POU3F3: variants seen among roughly 807,000 people sequenced by gnomAD.
The protein encoded by POU3F3 is POU domain, class 3, transcription factor 3.
In POU3F3, 1 loss-of-function variant was observed where a neutral mutation model predicts 8.6. That is an observed-to-expected ratio of 0.12 (90% CI 0.04 to 0.55). POU3F3 has a LOEUF of 0.55. Among genes scored for constraint, POU3F3 ranks in the 20% least tolerant of loss-of-function variants. The pLI is 0.91. For synonymous variants in POU3F3, 418 were observed against 327.4 expected (o/e 1.28, Z -2.99); for missense variants, 577 against 690.7 (o/e 0.84, Z 1.84).
chr2:104,858,226 T>G lies in POU3F3; in HGVS notation c.*1213T>G, dbSNP rs1676614411. 6.6e-6 allele frequency: 1 copy of G among 152,212 alleles called. No homozygotes were observed. The highest frequency in any genetic ancestry group is 2.4e-5 in the African/African-American group (1 of 41,452). The allele number at this position is 152,212 out of a possible 1,614,324, so 9.4% of individuals were successfully genotyped here. A position where few individuals can be genotyped will look rare whatever the true frequency, so the allele number is the denominator to read the frequency against. On this transcript the variant is annotated 3_prime_UTR_variant, in exon 1 of 1. Transcript: ENST00000361360. ...GATGTGATTATATAATACTGCCATT[T>G]CCAAGCAGTGTTTTTGGTAGGTTTT... is the stretch of plus-strand genomic sequence containing the variant.
At position 104,854,771 on chromosome 2, in the gene POU3F3, C is replaced by G. The variant is rs1676512985; in HGVS notation, c.-740C>G. Among the ~76,000 whole-genome samples, 1 of 152,132 alleles carries G rather than the reference C, an allele frequency of 6.6e-6. No individual in the cohort carries two copies. Among genetic ancestry groups the G allele is most frequent in the Non-Finnish European group, 1.5e-5 (1 of 68,030 alleles). On this transcript the variant is annotated 5_prime_UTR_variant, in exon 1 of 1. Coordinates refer to ENST00000361360, the MANE Select transcript of POU3F3 (RefSeq NM_006236.3). This position sits in a 1 kb window ranked among gnomAD's most constrained non-coding sequence, Gnocchi z 4.5. Reference sequence around the variant, plus strand: ...TCCCCTCTCCGCACTCGCGAGCAGCCAGCAGCACCACGCCTTCAAGGACGA... The same window carrying G: ...TCCCCTCTCCGCACTCGCGAGCAGCGAGCAGCACCACGCCTTCAAGGACGA...
In POU3F3 at chr2:104,855,280, T is replaced by A. The variant is rs894154374; in HGVS notation, c.-231T>A. Among the ~76,000 whole-genome samples, 1 of 148,430 alleles carries A rather than the reference T, an allele frequency of 6.7e-6. No homozygotes were observed. The highest frequency in any genetic ancestry group is 2.4e-5 in the African/African-American group (1 of 40,906). On this transcript the variant is annotated 5_prime_UTR_variant, in exon 1 of 1. Coordinates refer to ENST00000361360, the MANE Select transcript of POU3F3 (RefSeq NM_006236.3). ...GCGCCCTGCCGAGCGGCCTTGCAGC[T>A]GCAGCCGGGGGCCGCGGCGGCGGCG...
chr2:104,911,971 C>G, the POU3F3 span, among the ~76,000 whole-genome samples: 1 of 152,106 alleles, frequency 6.6e-6, no homozygotes, highest in South Asian at 2.1e-4. Context: ...AGTCTTTATC[C>G]TGAAGTCAAG....
the POU3F3 span, among the ~76,000 whole-genome samples, chr2:104,894,641 G>A: frequency 8.6e-3 from 1 of 116 alleles, no homozygotes; most frequent in Admixed American, 0.071. Flanking sequence ...TGGCCAGGCT[G>A]TGCTTTCAGG....
the POU3F3 span, among the ~76,000 whole-genome samples, chr2:104,889,479 G>C: frequency 2.0e-5 from 3 of 152,150 alleles, no homozygotes; most frequent in Non-Finnish European, 4.4e-5. Flanking sequence ...TCGGTTGCAG[G>C]TTCTGCCACG....
At chr2:104,867,332 A>G in the POU3F3 span, 1 of 152,266 alleles carries the variant, frequency 6.6e-6, no homozygotes, top group Non-Finnish European at 1.5e-5. This position sits in a 1 kb window ranked among gnomAD's most constrained non-coding sequence, Gnocchi z 5.0. Context: ...GCCCGGAGGG[A>G]ACCGAGGGGC....
At chr2:104,876,117 C>T in the POU3F3 span, among the ~76,000 whole-genome samples, 1 of 152,110 alleles carries the variant, frequency 6.6e-6, no homozygotes, top group Admixed American at 6.5e-5. Flanking sequence ...TATGTTTAAG[C>T]CCCTGGTTCT....
At chr2:104,905,054 G>A in the POU3F3 span, among the ~76,000 whole-genome samples, 2 of 152,094 alleles carry the variant, frequency 1.3e-5, no homozygotes, top group African/African-American at 2.4e-5. Flanking sequence ...CCATCGCAGC[G>A]ACAAGGTCCA....
chr2:104,889,217 C>T, the POU3F3 span, among the ~76,000 whole-genome samples: 1 of 152,196 alleles, frequency 6.6e-6, no homozygotes, highest in African/African-American at 2.4e-5. Context: ...GAGCCGGGTC[C>T]TTGACACATG....
chr2:104,863,834 G>A, the POU3F3 span, among the ~76,000 whole-genome samples: 1 of 152,342 alleles, frequency 6.6e-6, no homozygotes, highest in South Asian at 2.1e-4. Context: ...AAGTCAGAGC[G>A]GAACAGCCTA....
chr2:104,923,809 AT>A, the POU3F3 span, among the ~76,000 whole-genome samples: 16 of 152,202 alleles, frequency 1.1e-4, no homozygotes, highest in Admixed American at 9.8e-4. Context: ...CAGGGACCAA[AT>A]AGGTTGAAAG....
chr2:104,861,120 C>G (rs1038745485), downstream of POU3F3, among the ~76,000 whole-genome samples: 2 of 152,084 alleles, frequency 1.3e-5, no homozygotes, highest in Admixed American at 1.3e-4. Context: ...TCAACCTCTT[C>G]AAGCTAAATC....
chr2:104,911,007 C>G, the POU3F3 span, among the ~76,000 whole-genome samples: 1 of 152,024 alleles, frequency 6.6e-6, no homozygotes, highest in African/African-American at 2.4e-5. Flanking sequence ...GTAAGTAGGT[C>G]ATATACATAT....
the POU3F3 span, chr2:104,872,618 C>A: frequency 3.8e-5 from 10 of 263,762 alleles, no homozygotes; most frequent in Non-Finnish European, 6.6e-5. The surrounding 1 kb of genome is among the most constrained non-coding windows in gnomAD (Gnocchi z 4.6). Flanking sequence ...TCTCGGCGCG[C>A]GCGGAAACCC....
the POU3F3 span, among the ~76,000 whole-genome samples, chr2:104,904,379 A>G: frequency 1.3e-5 from 2 of 152,300 alleles, no homozygotes; most frequent in African/African-American, 4.8e-5. Flanking sequence ...TACATAAAGT[A>G]GGAGTGAAAT....
chr2:104,903,328 C>T, the POU3F3 span, among the ~76,000 whole-genome samples: 2 of 152,114 alleles, frequency 1.3e-5, no homozygotes, highest in Non-Finnish European at 2.9e-5. Context: ...CACTGCATAC[C>T]AATTGGTACA....
the POU3F3 span, among the ~76,000 whole-genome samples, chr2:104,864,356 G>C: frequency 2.0e-5 from 3 of 152,128 alleles, no homozygotes; most frequent in African/African-American, 7.2e-5. Flanking sequence ...CCTTCCCCCC[G>C]CACTTTGGCA....
rs1676579607 is a variant in POU3F3, at chr2:104,857,052, GCCT to G, written c.*42_*44del. On this transcript the variant is annotated 3_prime_UTR_variant, in exon 1 of 1. Transcript: ENST00000361360. ...AGCGAAGAGGGCCGCCGCCGCCGCC[GCCT>G]CCGCAGCCGCCGTCAGCACCGCCGC... 1 of 1,380,312 alleles carries G rather than the reference GCCT, an allele frequency of 7.2e-7. No individual in the cohort carries two copies. The highest frequency in any genetic ancestry group is 9.4e-7 in the Non-Finnish European group (1 of 1,059,014). The allele number at this position is 1,380,312 out of a possible 1,614,324, so 85.5% of individuals were successfully genotyped here. A position where few individuals can be genotyped will look rare whatever the true frequency, so the allele number is the denominator to read the frequency against.
chr2:104,916,003 G>C, the POU3F3 span, among the ~76,000 whole-genome samples: 7 of 145,730 alleles, frequency 4.8e-5, no homozygotes, highest in East Asian at 1.5e-3. Flanking sequence ...TGCACCTCCA[G>C]CAAGGGTGGC....
Sources: allele counts gnomAD v4.1 joint callset (sites outside exome capture counted in the v4.1 genomes callset), GRCh38; gene constraint gnomAD v4.1.1; non-coding constraint Gnocchi (gnomAD v3.1); transcripts MANE v1.5; gene names NCBI Gene and HGNC (gene_info 2026-07-23, HGNC 2026-07-21).